The following PLPP6 variants were observed in gnomAD, a reference collection of about 807,000 sequenced individuals.
The protein encoded by PLPP6 is phospholipid phosphatase 6, also known as polyisoprenoid diphosphate/phosphate phosphohydrolase PLPP6.
In PLPP6, 16 loss-of-function variants were observed where a neutral mutation model predicts 16.5. The observed-to-expected ratio is 0.97, with a 90% confidence interval of 0.66 to 1.47. The LOEUF is 1.47. Among genes scored for constraint, PLPP6 ranks in the 40% most tolerant of loss-of-function variants. The pLI is 0.00. For missense variants in PLPP6, 512 were observed against 396.6 expected (o/e 1.29, Z -2.47); for synonymous variants, 226 against 188.1 (o/e 1.20, Z -1.65).
In PLPP6 at chr9:4,664,685, G is replaced by T. The variant is rs41279557; in HGVS notation, c.*1422G>T. On this transcript the variant is annotated 3_prime_UTR_variant, in exon 1 of 1. Coordinates refer to ENST00000381883, the MANE Select transcript of PLPP6 (RefSeq NM_203453.5). The stretch of plus-strand genomic sequence containing the variant: ...TCAGATAATCTTAATGACTATTTTG[G>T]CATTTATAAATAGAAATGATTATGG... 1 of 167,042 alleles carries T rather than the reference G, an allele frequency of 6.0e-6. No homozygotes were observed. The highest frequency in any genetic ancestry group is 6.5e-5 in the Admixed American group (1 of 15,268). 10.3% of individuals were successfully genotyped at this position (167,042 alleles called of 1,614,324 possible).
In PLPP6 at chr9:4,662,546, G is replaced by A. The variant is rs1206314892; in HGVS notation, c.171G>A (p.Arg57=). Residue 57 remains arginine (R), a synonymous_variant, in exon 1 of 1, where the codon CGG becomes CGA. Transcript: ENST00000381883. This position sits in a 1 kb window ranked among gnomAD's most constrained non-coding sequence, Gnocchi z 4.9. ...RATAVDPTCA[R]LRASESPVHR... ...CGGCCGTGGACCCCACCTGCGCCCG[G>A]CTCCGTGCATCGGAGAGCCCAGTTC... 4.5e-6 allele frequency: 7 copies of A among 1,572,446 alleles called. No homozygotes were observed. Among genetic ancestry groups the A allele is most frequent in the Non-Finnish European group, 6.0e-6 (7 of 1,168,632 alleles).
chr9:4,663,000 T>G lies in PLPP6; in HGVS notation c.625T>G (p.Ser209Ala). 2 of 1,612,890 alleles carry G rather than the reference T, an allele frequency of 1.2e-6. No individual in the cohort carries two copies. Among genetic ancestry groups the G allele is most frequent in the Non-Finnish European group, 1.7e-6 (2 of 1,179,736 alleles). The change falls in exon 1 of 1, where the codon TCC becomes GCC. Residue 209 changes from serine to alanine, a missense_variant. Physicochemically the swap from Ser to Ala is moderately conservative, Grantham distance 99. Coordinates refer to ENST00000381883, the MANE Select transcript of PLPP6 (RefSeq NM_203453.5). The surrounding 1 kb of genome is among the most constrained non-coding windows in gnomAD (Gnocchi z 4.9). ...MFVTLSVDKY[S>A]FPSGHATRAA... ...TGTCACTCTCTCGGTGGACAAGTAC[T>G]CCTTCCCCTCGGGCCATGCCACAAG...
rs994068014 is a variant in PLPP6 at position 4,664,193 on chromosome 9, T to A, written c.*930T>A. ...TTGGGAATAGGCTGACCACATATTA[T>A]GCCAGTGACCAGTATGACAGGAGAT... is the stretch of plus-strand genomic sequence containing the variant. On this transcript the variant is annotated 3_prime_UTR_variant, in exon 1 of 1. Transcript: ENST00000381883. 6.0e-6 allele frequency: 1 copy of A among 167,100 alleles called. No homozygotes were observed. The highest frequency in any genetic ancestry group is 1.5e-5 in the Non-Finnish European group (1 of 68,124). 10.4% of individuals were successfully genotyped at this position (167,100 alleles called of 1,614,324 possible).
Position 4,662,674 on chromosome 9 carries a change from G to A in PLPP6, c.299G>A (p.Gly100Asp). ...DRMDLNPSFL[G>D]IALRSLLAID... ...ATGGACTTGAACCCGTCCTTCCTGG[G>A]CATCGCCCTGCGCTCCCTGCTGGCC... The change falls in exon 1 of 1, where the codon GGC becomes GAC. Residue 100 changes from glycine (G) to aspartate (D), a missense_variant. Coordinates refer to ENST00000381883, the MANE Select transcript of PLPP6 (RefSeq NM_203453.5). The surrounding 1 kb of genome is among the most constrained non-coding windows in gnomAD (Gnocchi z 4.9). The A allele has an allele frequency of 6.2e-7, 1 of 1,600,374 alleles. No homozygotes were observed. The highest frequency in any genetic ancestry group is 8.5e-7 in the Non-Finnish European group (1 of 1,179,872).
rs1002384837 is a variant in PLPP6 at position 4,663,342 on chromosome 9, C to T, written c.*79C>T. ...ATGTCAACCTAAACCAGCAGCCATC[C>T]CGCTTGTCCCTCTTAGGCATTTCAG... On this transcript the variant is annotated 3_prime_UTR_variant, in exon 1 of 1. Coordinates refer to ENST00000381883, the MANE Select transcript of PLPP6 (RefSeq NM_203453.5). 8.2e-5 allele frequency: 117 copies of T among 1,432,806 alleles called. No individual in the cohort carries two copies. The highest frequency in any genetic ancestry group is 1.1e-4 in the Non-Finnish European group (113 of 1,040,546). 88.8% of individuals were successfully genotyped at this position (1,432,806 alleles called of 1,614,324 possible).
chr9:4,662,500 C>A lies in PLPP6; in HGVS notation c.125C>A (p.Ser42Tyr), dbSNP rs1201594979. The change falls in exon 1 of 1, where the codon TCC (serine) becomes TAC (tyrosine). Residue 42 changes from serine (S) to tyrosine (Y), a missense_variant. Coordinates refer to ENST00000381883, the MANE Select transcript of PLPP6 (RefSeq NM_203453.5). The surrounding 1 kb of genome is among the most constrained non-coding windows in gnomAD (Gnocchi z 4.9). The stretch of plus-strand genomic sequence containing the variant: ...GGCGGCAGCAGGTTTGAGTTCCAGT[C>A]CCTGCTCAGCAGCCGCGCCACGGCC... ...GGGGSRFEFQ[S>Y]LLSSRATAVD... The A allele has an allele frequency of 2.6e-6, 4 of 1,558,450 alleles. No homozygotes were observed. The East Asian group carries it at 7.0e-5, about 27-fold the overall frequency.
chr9:4,663,437 A>G lies in PLPP6; in HGVS notation c.*174A>G. On this transcript the variant is annotated 3_prime_UTR_variant, in exon 1 of 1. Transcript: ENST00000381883. The stretch of plus-strand genomic sequence containing the variant: ...TAGGCTGGAGCACACACTGGCCATT[A>G]CTGAACACAGCCATATTAGGGAAAG... 1 of 697,562 alleles carries G rather than the reference A, an allele frequency of 1.4e-6. No homozygotes were observed. Among genetic ancestry groups the G allele is most frequent in the South Asian group, 2.0e-5 (1 of 49,142 alleles). The allele number at this position is 697,562 out of a possible 1,614,324, so 43.2% of individuals were successfully genotyped here.
chr9:4,662,831 C>T lies in PLPP6; in HGVS notation c.456C>T (p.Tyr152=), dbSNP rs1475838469. ...TCCCCTGGCTGCTGGGCACCCTCTA[C>T]TGCCTGTGCAGGAGCGACAGCTGGG... ...HGIPWLLGTL[Y]CLCRSDSWAG... Residue 152 remains tyrosine, a synonymous_variant, in exon 1 of 1, where the codon TAC becomes TAT. Transcript: ENST00000381883. This position sits in a 1 kb window ranked among gnomAD's most constrained non-coding sequence, Gnocchi z 4.9. 2 of 1,605,298 alleles carry T rather than the reference C, an allele frequency of 1.2e-6. No individual in the cohort carries two copies. The highest frequency in any genetic ancestry group is 1.7e-6 in the Non-Finnish European group (2 of 1,179,946).
Position 4,663,619 on chromosome 9 carries a change from T to G in PLPP6, c.*356T>G. On this transcript the variant is annotated 3_prime_UTR_variant, in exon 1 of 1. Coordinates refer to ENST00000381883, the MANE Select transcript of PLPP6 (RefSeq NM_203453.5). Reference sequence around the variant, plus strand: ...TTTTGTGATAATCCCTAAATCAACATACCACTTGTAAACTGAACTTCGAGA... The same window carrying G: ...TTTTGTGATAATCCCTAAATCAACAGACCACTTGTAAACTGAACTTCGAGA... 1 of 235,398 alleles carries G rather than the reference T, an allele frequency of 4.2e-6. No individual in the cohort carries two copies. 14.6% of individuals were successfully genotyped at this position (235,398 alleles called of 1,614,324 possible).
At position 4,663,884 on chromosome 9, in the gene PLPP6, C is replaced by T. The variant is rs1443474941; in HGVS notation, c.*621C>T. 3 of 166,936 alleles carry T rather than the reference C, an allele frequency of 1.8e-5. No individual in the cohort carries two copies. The highest frequency in any genetic ancestry group is 4.4e-5 in the Non-Finnish European group (3 of 68,112). The allele number at this position is 166,936 out of a possible 1,614,324, so 10.3% of individuals were successfully genotyped here. On this transcript the variant is annotated 3_prime_UTR_variant, in exon 1 of 1. Coordinates refer to ENST00000381883, the MANE Select transcript of PLPP6 (RefSeq NM_203453.5). ...ATTATCTCTATCCATATTTGTGGAT[C>T]GGGTAGTGGGAAAAGAGATTATAAT... is the stretch of plus-strand genomic sequence containing the variant.
At position 4,662,881 on chromosome 9, in the gene PLPP6, T is replaced by C. The variant is rs1840192486; in HGVS notation, c.506T>C (p.Leu169Pro). The C allele has an allele frequency of 1.2e-6, 2 of 1,606,542 alleles. No individual in the cohort carries two copies. Among genetic ancestry groups the C allele is most frequent in the African/African-American group, 1.3e-5 (1 of 74,886 alleles). ...SWAGREVLMN[L>P]LFALLLDLLL... ...GCCGGGCGCGAGGTGCTGATGAACC[T>C]GCTCTTCGCCCTGCTGTTGGACCTG... Residue 169 changes from leucine to proline, a missense_variant, in exon 1 of 1, where the codon CTG becomes CCG. Physicochemically the swap from Leu to Pro is moderately conservative, Grantham distance 98. Coordinates refer to ENST00000381883, the MANE Select transcript of PLPP6 (RefSeq NM_203453.5). The surrounding 1 kb of genome is among the most constrained non-coding windows in gnomAD (Gnocchi z 4.9).
In PLPP6 at chr9:4,663,026, G is replaced by T; in HGVS notation, c.651G>T (p.Arg217Ser). The change falls in exon 1 of 1, where the codon AGG becomes AGT. Residue 217 changes from arginine to serine, a missense_variant. Transcript: ENST00000381883. ...KYSFPSGHAT[R>S]AALMSRFILN... ...CCTTCCCCTCGGGCCATGCCACAAG[G>T]GCCGCCCTGATGTCGAGGTTCATCC... 1 of 1,613,740 alleles carries T rather than the reference G, an allele frequency of 6.2e-7. No homozygotes were observed. Among genetic ancestry groups the T allele is most frequent in the Non-Finnish European group, 8.5e-7 (1 of 1,179,934 alleles).
Position 4,663,498 on chromosome 9 carries a change from T to C in PLPP6, c.*235T>C, listed in dbSNP as rs1840359423. 2.0e-6 allele frequency: 1 copy of C among 490,242 alleles called. No homozygotes were observed. 30.4% of individuals were successfully genotyped at this position (490,242 alleles called of 1,614,324 possible). ...CAAAAAATCCTCTATTGTATATTTA[T>C]TCAACAACTGTTTATGTTTCCAGGA... On this transcript the variant is annotated 3_prime_UTR_variant, in exon 1 of 1. Transcript: ENST00000381883.
rs1257687078 is a variant in PLPP6 at position 4,665,092 on chromosome 9, T to C, written c.*1829T>C. Reference sequence around the variant, plus strand: ...GTAATTACAATTTTGGAATTCTCTGTTTTAGTTGCTGAGGCCTGAGTTTTC... The same window carrying C: ...GTAATTACAATTTTGGAATTCTCTGCTTTAGTTGCTGAGGCCTGAGTTTTC... On this transcript the variant is annotated 3_prime_UTR_variant, in exon 1 of 1. Transcript: ENST00000381883. 6.0e-6 allele frequency: 1 copy of C among 167,124 alleles called. No homozygotes were observed. The highest frequency in any genetic ancestry group is 1.5e-5 in the Non-Finnish European group (1 of 68,128). 10.4% of individuals were successfully genotyped at this position (167,124 alleles called of 1,614,324 possible).
rs71496487 is a variant in PLPP6, at chr9:4,662,365, C to T, written c.-11C>T. ...TCCGGCCAGGTCCCGGGATCCGGGCCGCCAGCTGCGATGCCAAGTCCCCGG... is the reference window on the plus strand; with the variant it reads ...TCCGGCCAGGTCCCGGGATCCGGGCTGCCAGCTGCGATGCCAAGTCCCCGG... On this transcript the variant is annotated 5_prime_UTR_variant, in exon 1 of 1. Coordinates refer to ENST00000381883, the MANE Select transcript of PLPP6 (RefSeq NM_203453.5). This position sits in a 1 kb window ranked among gnomAD's most constrained non-coding sequence, Gnocchi z 4.9. 2 of 1,497,238 alleles carry T rather than the reference C, an allele frequency of 1.3e-6. No homozygotes were observed. The highest frequency in any genetic ancestry group is 1.3e-5 in the South Asian group (1 of 77,592). The allele number at this position is 1,497,238 out of a possible 1,614,324, so 92.7% of individuals were successfully genotyped here.
chr9:4,663,987 C>T lies in PLPP6; in HGVS notation c.*724C>T, dbSNP rs1056762572. ...CCACTACTCCCTTACTGTCTTTTAG[C>T]ATTCAGAGAAAAAGCCAACTTGCTT... is the stretch of plus-strand genomic sequence containing the variant. On this transcript the variant is annotated 3_prime_UTR_variant, in exon 1 of 1. Transcript: ENST00000381883. 2 of 167,070 alleles carry T rather than the reference C, an allele frequency of 1.2e-5. No individual in the cohort carries two copies. The highest frequency in any genetic ancestry group is 6.5e-5 in the Admixed American group (1 of 15,290). 10.3% of individuals were successfully genotyped at this position (167,070 alleles called of 1,614,324 possible).
chr9:4,662,394 A>C lies in PLPP6; in HGVS notation c.19A>C (p.Ser7Arg), dbSNP rs34250374. 2 of 1,533,122 alleles carry C rather than the reference A, an allele frequency of 1.3e-6. No homozygotes were observed. Among genetic ancestry groups the C allele is most frequent in the East Asian group, 4.9e-5 (2 of 41,140 alleles). 95.0% of individuals were successfully genotyped at this position (1,533,122 alleles called of 1,614,324 possible). A position where few individuals can be genotyped will look rare whatever the true frequency, so the allele number is the denominator to read the frequency against. ...AGCTGCGATGCCAAGTCCCCGGAGG[A>C]GCATGGAGGGACGGCCGCTGGGCGT... MPSPRRSMEGRPLGVSA... is the reference protein window; with the variant it reads MPSPRRRMEGRPLGVSA... Residue 7 changes from serine to arginine, a missense_variant, in exon 1 of 1, where the codon AGC (serine) becomes CGC (arginine). Ser to Arg is a moderately radical substitution (Grantham distance 110). Coordinates refer to ENST00000381883, the MANE Select transcript of PLPP6 (RefSeq NM_203453.5). The surrounding 1 kb of genome is among the most constrained non-coding windows in gnomAD (Gnocchi z 4.9).
At position 4,664,823 on chromosome 9, in the gene PLPP6, C is replaced by G. The variant is rs1032638141; in HGVS notation, c.*1560C>G. 3 of 167,100 alleles carry G rather than the reference C, an allele frequency of 1.8e-5. No individual in the cohort carries two copies. The Admixed American group carries it at 2.0e-4, about 11-fold the overall frequency. The allele number at this position is 167,100 out of a possible 1,614,324, so 10.4% of individuals were successfully genotyped here. On this transcript the variant is annotated 3_prime_UTR_variant, in exon 1 of 1. Coordinates refer to ENST00000381883, the MANE Select transcript of PLPP6 (RefSeq NM_203453.5). ...AGTGAGGGGCATAGTGAAAAAGGAA[C>G]AGCCATGCCTCAAAATCAAATCATT...
Position 4,662,443 on chromosome 9 carries a change from G to A in PLPP6, c.68G>A (p.Ser23Asn), listed in dbSNP as rs1222136164. 1.3e-6 allele frequency: 2 copies of A among 1,544,296 alleles called. No homozygotes were observed. The highest frequency in any genetic ancestry group is 4.8e-5 in the East Asian group (2 of 41,626). Reference sequence around the variant, plus strand: ...GTCTCCGCTTCGAGCAGCAGCAGCAGCCCCGGCAGCCCAGCCCATGGCGGC... The same window carrying A: ...GTCTCCGCTTCGAGCAGCAGCAGCAACCCCGGCAGCCCAGCCCATGGCGGC... ...LGVSASSSSS[S>N]PGSPAHGGGG... is the part of the protein sequence containing the mutation. The change falls in exon 1 of 1, where the codon AGC (serine) becomes AAC (asparagine). Residue 23 changes from serine to asparagine, a missense_variant. Ser to Asn is a conservative substitution (Grantham distance 46). Transcript: ENST00000381883. The surrounding 1 kb of genome is among the most constrained non-coding windows in gnomAD (Gnocchi z 4.9).
Sources: allele counts gnomAD v4.1 joint callset, GRCh38; gene constraint gnomAD v4.1.1; non-coding constraint Gnocchi (gnomAD v3.1); transcripts MANE v1.5; gene names NCBI Gene and HGNC (gene_info 2026-07-23, HGNC 2026-07-21).